Variants in RRM2B observed in about 807,000 individuals in gnomAD.
RRM2B encodes ribonucleotide reductase regulatory TP53 inducible subunit M2B, also known as ribonucleoside-diphosphate reductase subunit M2 B.
In RRM2B, 20 loss-of-function variants were observed where a neutral mutation model predicts 45.9. That is an observed-to-expected ratio of 0.44 (90% CI 0.31 to 0.63). RRM2B has a LOEUF of 0.63. Ranked by LOEUF, RRM2B falls within the 30% of genes least tolerant of loss-of-function variation. RRM2B has a pLI of 0.09. For synonymous variants in RRM2B, 124 were observed against 132.3 expected, an observed-to-expected ratio of 0.94 and a Z score of 0.43; for missense variants, 320 against 414.7, an observed-to-expected ratio of 0.77 and a Z score of 1.98.
intron 1 of RRM2B, among the ~76,000 whole-genome samples, chr8:102,236,869 T>C (rs28999674): frequency 0.011 from 1,618 of 152,276 alleles, 19 homozygotes; most frequent in African/African-American, 0.035. Context: ...AGGACAACAA[T>C]TTAGGTCAAG....
rs1053898857 is a variant in RRM2B at position 102,206,919 on chromosome 8, A to T, written c.*1214T>A. The stretch of plus-strand genomic sequence containing the variant: ...TCAAGAGTTTTAAAACCATAAAGAA[A>T]CACAGCCTAAGTCAATTGCTGGTAC... On this transcript the variant is annotated 3_prime_UTR_variant, in exon 9 of 9. Coordinates refer to ENST00000251810, the MANE Select transcript of RRM2B (RefSeq NM_015713.5). 1 of 152,208 alleles carries T rather than the reference A, an allele frequency of 6.6e-6. No homozygotes were observed. The highest frequency in any genetic ancestry group is 1.5e-5 in the Non-Finnish European group (1 of 68,028). 9.4% of individuals were successfully genotyped at this position (152,208 alleles called of 1,614,324 possible).
chr8:102,208,175 T>C lies in RRM2B; in HGVS notation c.1014A>G (p.Ala338=), dbSNP rs1415699447. The part of the protein sequence containing the change: ...VSEYQRFAVM[A]ETTDNVFTLD... ...AGGTGAAGACGTTATCTGTGGTTTC[T>C]GCCATAACTGCAAAACGCTGATACT... The change falls in exon 9 of 9, where the codon GCA becomes GCG. Residue 338 remains alanine (A), a synonymous_variant. Transcript: ENST00000251810. The C allele has an allele frequency of 1.9e-6, 3 of 1,613,712 alleles. 1 individual carries two copies. The highest frequency in any genetic ancestry group is 3.3e-5 in the Admixed American group (2 of 60,008).
chr8:102,208,122 C>T lies in RRM2B; in HGVS notation c.*11G>A, dbSNP rs29000285. On this transcript the variant is annotated 3_prime_UTR_variant, in exon 9 of 9. Coordinates refer to ENST00000251810, the MANE Select transcript of RRM2B (RefSeq NM_015713.5). ...ATGACAAGTTTATAGAGTTTTAAAA[C>T]GAGAGGTTTTTTAAAAATCTGCATC... 377 of 1,607,728 alleles carry T rather than the reference C, an allele frequency of 2.3e-4. 1 individual carries two copies. In the African/African-American group the frequency reaches 2.8e-3, roughly 12 times the overall value.
At chr8:102,228,255 G>C (rs1810968589) in intron 2 of RRM2B, among the ~76,000 whole-genome samples, 1 of 152,152 alleles carries the variant, frequency 6.6e-6, no homozygotes, top group African/African-American at 2.4e-5. Context: ...GCATTCCTTT[G>C]GAGAGGAGTC....
Position 102,214,092 on chromosome 8 carries a change from C to T in RRM2B, c.751G>A (p.Val251Ile). Residue 251 changes from valine (V) to isoleucine (I), a missense_variant, in exon 7 of 9, where the codon GTC becomes ATC. Coordinates refer to ENST00000251810, the MANE Select transcript of RRM2B (RefSeq NM_015713.5). ...ACAGCATCAACAATGATCTCCCTGA[C>T]CCTTTCTTCTGAAGGCTTATTTACT... ...YLVNKPSEER[V>I]REIIVDAVKI... is the part of the protein sequence containing the mutation. 1 of 1,613,624 alleles carries T rather than the reference C, an allele frequency of 6.2e-7. No homozygotes were observed. Among genetic ancestry groups the T allele is most frequent in the Non-Finnish European group, 8.5e-7 (1 of 1,179,762 alleles).
In RRM2B at chr8:102,205,649, G is replaced by A. The variant is rs905274893; in HGVS notation, c.*2484C>T. 1 of 152,002 alleles carries A rather than the reference G, an allele frequency of 6.6e-6. No individual in the cohort carries two copies. The highest frequency in any genetic ancestry group is 6.6e-5 in the Admixed American group (1 of 15,264). The allele number at this position is 152,002 out of a possible 1,614,324, so 9.4% of individuals were successfully genotyped here. A position where few individuals can be genotyped will look rare whatever the true frequency, so the allele number is the denominator to read the frequency against. The stretch of plus-strand genomic sequence containing the variant: ...TCCTAATGAACTTAACTTTATTATA[G>A]CAATGATTTAAATACATGTACTGTA... On this transcript the variant is annotated 3_prime_UTR_variant, in exon 9 of 9. Coordinates refer to ENST00000251810, the MANE Select transcript of RRM2B (RefSeq NM_015713.5).
rs1810786640 is a variant in RRM2B, at chr8:102,219,243, A to T, written c.551-296T>A. Among the ~76,000 whole-genome samples the T allele has an allele frequency of 2.0e-5, 3 of 152,270 alleles. No homozygotes were observed. In the South Asian group the frequency reaches 6.2e-4, roughly 31 times the overall value. ...GAGGTGATTTACGTGTGCACCACAC[A>T]TGACTATGAGTGCAGGTACATGCAC... On this transcript the variant is annotated intron_variant, in intron 5 of 8. Coordinates refer to ENST00000251810, the MANE Select transcript of RRM2B (RefSeq NM_015713.5).
At chr8:102,236,221 T>C (rs753761903) in intron 1 of RRM2B, among the ~76,000 whole-genome samples, 4 of 152,184 alleles carry the variant, frequency 2.6e-5, no homozygotes, top group African/African-American at 4.8e-5. Context: ...ATCGGAGGTC[T>C]AGAAGGCTCA....
rs780569670 is a variant in RRM2B, at chr8:102,224,143, G to A, written c.456-3C>T. On this transcript the variant is annotated splice_region_variant and splice_polypyrimidine_tract_variant and intron_variant, in intron 4 of 8. Transcript: ENST00000251810. The stretch of plus-strand genomic sequence containing the variant: ...CAATTGCATTAAATAAAAATTCCCT[G>A]TAAAAACAAAAGAATGAACAGCAAA... 6.4e-7 allele frequency: 1 copy of A among 1,572,550 alleles called. No individual in the cohort carries two copies.
intron 2 of RRM2B, among the ~76,000 whole-genome samples, chr8:102,228,369 C>A (rs1317463317): frequency 1.3e-5 from 2 of 152,208 alleles, no homozygotes; most frequent in African/African-American, 2.4e-5. Context: ...GCAACAAAAT[C>A]CTCTGTATTC....
In RRM2B at chr8:102,206,585, T is replaced by A. The variant is rs1810547440; in HGVS notation, c.*1548A>T. ...AAGAGAAAATCTCTAAGTTTTAGCA[T>A]CCAGAATTGTATAAAGTACAGTTTG... On this transcript the variant is annotated 3_prime_UTR_variant, in exon 9 of 9. Coordinates refer to ENST00000251810, the MANE Select transcript of RRM2B (RefSeq NM_015713.5). The A allele has an allele frequency of 6.6e-6, 1 of 152,132 alleles. No individual in the cohort carries two copies. The highest frequency in any genetic ancestry group is 1.5e-5 in the Non-Finnish European group (1 of 67,988). The allele number at this position is 152,132 out of a possible 1,614,324, so 9.4% of individuals were successfully genotyped here. A position where few individuals can be genotyped will look rare whatever the true frequency, so the allele number is the denominator to read the frequency against.
intron 6 of RRM2B, among the ~76,000 whole-genome samples, 155 bp downstream of exon 6, chr8:102,218,659 G>A (rs1462742728): frequency 2.0e-5 from 3 of 150,416 alleles, no homozygotes; most frequent in Non-Finnish European, 4.4e-5. Context: ...CAGGGAAGTC[G>A]AGGCTGCAGC....
chr8:102,235,851 A>AG (rs1303401567), intron 1 of RRM2B, among the ~76,000 whole-genome samples: 2 of 152,222 alleles, frequency 1.3e-5, no homozygotes, highest in African/African-American at 4.8e-5. Context: ...CAAAAAAAAA[A>AG]GAATAGAAAA....
chr8:102,214,242 G>T (rs1414893702), intron 6 of RRM2B, 84 bp from the exon 7 acceptor site: 2 of 931,772 alleles, frequency 2.1e-6, no homozygotes, highest in African/African-American at 1.6e-5. Flanking sequence ...TGTATAAAGT[G>T]GTTCTAGGAA....
At chr8:102,228,698 G>T (rs1450838688) in intron 2 of RRM2B, among the ~76,000 whole-genome samples, 1 of 152,214 alleles carries the variant, frequency 6.6e-6, no homozygotes, top group Non-Finnish European at 1.5e-5. Flanking sequence ...ATTCACCCAA[G>T]CTCCTGCACC....
intron 5 of RRM2B, 182 bp from the exon 6 acceptor site, chr8:102,219,129 A>T: frequency 1.6e-6 from 1 of 625,204 alleles, no homozygotes; most frequent in Non-Finnish European, 2.8e-6. Flanking sequence ...TGGAGCAGAA[A>T]GGTATGCCTC....
intron 4 of RRM2B, 90 bp downstream of exon 4, chr8:102,224,795 T>C (rs775690441): frequency 8.6e-6 from 11 of 1,277,990 alleles, no homozygotes; most frequent in Non-Finnish European, 1.2e-5. Context: ...ACTTGAATAA[T>C]CTTTCCTTAA....
intron 2 of RRM2B, among the ~76,000 whole-genome samples, chr8:102,226,502 G>A (rs1235596609): frequency 6.6e-6 from 1 of 151,122 alleles, no homozygotes; most frequent in Non-Finnish European, 1.5e-5. Context: ...TGAAAGAAGG[G>A]CTAAAAGGGG....
intron 1 of RRM2B, among the ~76,000 whole-genome samples, chr8:102,235,210 T>C (rs906668908): frequency 6.6e-6 from 1 of 152,212 alleles, no homozygotes; most frequent in African/African-American, 2.4e-5. Flanking sequence ...TACCCATCTC[T>C]TGCCTGAACT....
Sources: gnomAD v4.1 joint callset for allele counts (sites outside exome capture counted in the v4.1 genomes callset) on GRCh38, gnomAD v4.1.1 for gene constraint, MANE v1.5 for transcripts, NCBI Gene and HGNC (gene_info 2026-07-23, HGNC 2026-07-21) for gene names.